Variants in OSBPL1A observed in about 807,000 individuals in gnomAD.
OSBPL1A encodes oxysterol binding protein like 1A, also known as oxysterol-binding protein-related protein 1.
Under a neutral mutation model 137.1 loss-of-function variants are expected in OSBPL1A, and 80 were observed. The observed-to-expected ratio is 0.58, with a 90% CI of 0.49 to 0.70. The LOEUF (loss-of-function observed/expected upper bound fraction) is 0.70. OSBPL1A is among the 30% of genes least tolerant of loss of function. The pLI is 0.00. For synonymous variants in OSBPL1A, 365 were observed against 389.7 expected (o/e 0.94, Z 0.75); for missense variants, 970 against 1,129.4 (o/e 0.86, Z 2.02).
chr18:24,205,727 A>C (rs1469827384), intron 17 of OSBPL1A, among the ~76,000 whole-genome samples: 2 of 152,234 alleles, frequency 1.3e-5, no homozygotes, highest in African/African-American at 4.8e-5. Flanking sequence ...TACTAATTAC[A>C]GTTTCAAAAG....
At chr18:24,390,157 A>G (rs920116217) in intron 1 of OSBPL1A, among the ~76,000 whole-genome samples, 3 of 152,184 alleles carry the variant, frequency 2.0e-5, no homozygotes, top group Non-Finnish European at 4.4e-5. Context: ...AGTCATACAT[A>G]TAACAACATG....
At position 24,166,398 on chromosome 18, in the gene OSBPL1A, G is replaced by A. The variant is rs192338481; in HGVS notation, c.2659+181C>T. The stretch of plus-strand genomic sequence containing the variant: ...AATAATATGAGCTAATAAGGTCTGC[G>A]CAGATTTCCAAATTTAAAATAAAAG... On this transcript the variant is annotated intron_variant, in intron 26 of 27. Coordinates refer to ENST00000319481, the MANE Select transcript of OSBPL1A (RefSeq NM_080597.4). Among the ~76,000 whole-genome samples, 4 of 152,142 alleles carry A rather than the reference G, an allele frequency of 2.6e-5. No individual in the cohort carries two copies. In the East Asian group the frequency reaches 7.7e-4, roughly 29 times the overall value.
At chr18:24,365,508 C>T (rs567582477) in intron 4 of OSBPL1A, among the ~76,000 whole-genome samples, 4 of 151,570 alleles carry the variant, frequency 2.6e-5, no homozygotes, top group South Asian at 2.1e-4. Context: ...TGCTTGAACC[C>T]GGGAGACAGA....
rs372334963 is a variant in OSBPL1A, at chr18:24,247,440, G to A, written c.1282-8058C>T. On this transcript the variant is annotated intron_variant, in intron 15 of 27. Coordinates refer to ENST00000319481, the MANE Select transcript of OSBPL1A (RefSeq NM_080597.4). ...AGATAAGAGAGAGTGAGTACAACCT[G>A]TTCTTAAGAAGGTTTTTGTTGGACA... 3.2e-4 allele frequency among the ~76,000 whole-genome samples: 48 copies of A among 152,220 alleles called. 1 individual carries two copies. The South Asian group carries it at 9.6e-3, about 30-fold the overall frequency.
intron 7 of OSBPL1A, among the ~76,000 whole-genome samples, chr18:24,320,868 A>C (rs1475649987): frequency 2.0e-5 from 3 of 151,850 alleles, no homozygotes; most frequent in African/African-American, 7.3e-5. Context: ...ATCTCTACTA[A>C]AAATACAAAA....
chr18:24,227,092 C>T (rs2088108957), intron 16 of OSBPL1A, among the ~76,000 whole-genome samples: 1 of 151,980 alleles, frequency 6.6e-6, no homozygotes, highest in South Asian at 2.1e-4. Context: ...GGGGTTTCAC[C>T]ATGTTGGCCA....
rs1387726219 is a variant in OSBPL1A at position 24,225,034 on chromosome 18, G to A, written c.1601+8C>T. 2.5e-6 allele frequency: 4 copies of A among 1,613,980 alleles called. No homozygotes were observed. Among genetic ancestry groups the A allele is most frequent in the East Asian group, 4.5e-5 (2 of 44,880 alleles). ...CGCAGCAGTGACAACTGTCAGAGGC[G>A]ATCCTACCTGTGTTTCTTGATGCCA... On this transcript the variant is annotated splice_region_variant and intron_variant, in intron 17 of 27. Transcript: ENST00000319481.
intron 24 of OSBPL1A, among the ~76,000 whole-genome samples, chr18:24,169,503 C>T (rs752789829): frequency 3.3e-5 from 5 of 152,190 alleles, no homozygotes; most frequent in African/African-American, 4.8e-5. Context: ...CTATTCTGAG[C>T]CCATTATGTT....
intron 17 of OSBPL1A, among the ~76,000 whole-genome samples, chr18:24,224,763 G>A (rs749491833): frequency 1.2e-4 from 19 of 152,212 alleles, no homozygotes; most frequent in Non-Finnish European, 2.2e-4. Flanking sequence ...GTTTTAACAG[G>A]TAGTTCTGAA....
chr18:24,175,121 TATATATATATATATAC>T (rs1567920190), intron 21 of OSBPL1A, among the ~76,000 whole-genome samples: 2 of 128,970 alleles, frequency 1.6e-5, no homozygotes, highest in Non-Finnish European at 3.1e-5. Flanking sequence ...TATATATATA[TATATATATATATATAC>T]ACATATATAT....
intron 7 of OSBPL1A, among the ~76,000 whole-genome samples, chr18:24,329,786 A>G (rs1889556364): frequency 6.6e-6 from 1 of 152,152 alleles, no homozygotes; most frequent in Admixed American, 6.5e-5. Flanking sequence ...CTTTGTATAA[A>G]AAAAGTCTCT....
chr18:24,181,836 C>T (rs2086613010), intron 18 of OSBPL1A, among the ~76,000 whole-genome samples: 1 of 152,142 alleles, frequency 6.6e-6, no homozygotes, highest in African/African-American at 2.4e-5. Flanking sequence ...CCTCAAAGAA[C>T]ACCTTATAAA....
chr18:24,380,132 C>T (rs1010514491), intron 1 of OSBPL1A, among the ~76,000 whole-genome samples: 6 of 152,154 alleles, frequency 3.9e-5, no homozygotes, highest in African/African-American at 1.4e-4. Context: ...TATTTCCAAT[C>T]CCCAATTCTA....
intron 17 of OSBPL1A, among the ~76,000 whole-genome samples, chr18:24,197,593 C>T (rs1265956454): frequency 6.6e-6 from 1 of 152,080 alleles, no homozygotes; most frequent in Non-Finnish European, 1.5e-5. Flanking sequence ...TGCCATCTAA[C>T]CAATCTGCTG....
At chr18:24,178,740 GA>G (rs2086520949) in intron 20 of OSBPL1A, among the ~76,000 whole-genome samples, 2 of 152,036 alleles carry the variant, frequency 1.3e-5, no homozygotes, top group South Asian at 4.1e-4. Context: ...TGATTTGCAT[GA>G]AAAAATATTA....
chr18:24,317,239 G>C (rs568659241), intron 10 of OSBPL1A, 27 bp from the exon 11 acceptor site: 2 of 1,611,990 alleles, frequency 1.2e-6, no homozygotes, highest in Non-Finnish European at 1.7e-6. Flanking sequence ...AAATTATCAA[G>C]ACAAAAGGAA....
At chr18:24,242,290 ATT>A (rs2088723921) in intron 15 of OSBPL1A, among the ~76,000 whole-genome samples, 1 of 77,486 alleles carries the variant, frequency 1.3e-5, no homozygotes. Context: ...TTTAAGTATA[ATT>A]AAAACAAACA....
At chr18:24,301,062 G>T (rs1599636752) in intron 14 of OSBPL1A, among the ~76,000 whole-genome samples, 1 of 152,142 alleles carries the variant, frequency 6.6e-6, no homozygotes, top group Admixed American at 6.5e-5. Context: ...TTGACAGTAA[G>T]GGCAGGCTCA....
chr18:24,276,891 T>G (rs963996872), intron 15 of OSBPL1A, among the ~76,000 whole-genome samples: 1 of 152,178 alleles, frequency 6.6e-6, no homozygotes, highest in African/African-American at 2.4e-5. Flanking sequence ...ATAGAAGGCA[T>G]GAAAGCCTGC....
Sources: gnomAD v4.1 joint callset for allele counts (sites outside exome capture counted in the v4.1 genomes callset) on GRCh38, gnomAD v4.1.1 for gene constraint, MANE v1.5 for transcripts, NCBI Gene and HGNC (gene_info 2026-07-23, HGNC 2026-07-21) for gene names.